The following MIB1 variants were observed in gnomAD, a reference collection of about 807,000 sequenced individuals.
MIB1 encodes the protein MIB E3 ubiquitin protein ligase 1, also known as E3 ubiquitin-protein ligase MIB1.
A neutral mutation model predicts 124.5 loss-of-function variants in MIB1; 278 were observed. The observed-to-expected ratio is 2.23, with a 90% CI of 2.02 to 2.47. The LOEUF is 2.47. MIB1 is among the 30% of genes most tolerant of loss of function. MIB1 has a pLI of 0.00. For synonymous variants in MIB1, 446 were observed against 429.4 expected, an observed-to-expected ratio of 1.04 and a Z score of -0.48; for missense variants, 957 against 1,254.4, an observed-to-expected ratio of 0.76 and a Z score of 3.58.
At chr18:21,786,774 A>T (rs977165700) in intron 6 of MIB1, among the ~76,000 whole-genome samples, 1 of 151,980 alleles carries the variant, frequency 6.6e-6, no homozygotes, top group Non-Finnish European at 1.5e-5. Flanking sequence ...CAGTTCTAGG[A>T]TTTTTGTTTG....
At chr18:21,855,279 C>T (rs2042216541) in intron 18 of MIB1, among the ~76,000 whole-genome samples, 1 of 152,150 alleles carries the variant, frequency 6.6e-6, no homozygotes, top group Non-Finnish European at 1.5e-5. Context: ...TCCAGTACCC[C>T]CATCGCAGTC....
In MIB1 at chr18:21,869,118, G is replaced by A. The variant is rs1460223763; in HGVS notation, c.*4452G>A. On this transcript the variant is annotated 3_prime_UTR_variant, in exon 21 of 21. Transcript: ENST00000261537. Reference sequence around the variant, plus strand: ...GCAGTAGGTACAGGAGAAGTGACTTGTCACATTAATTTGGTGCCTAAATCT... The same window carrying A: ...GCAGTAGGTACAGGAGAAGTGACTTATCACATTAATTTGGTGCCTAAATCT... 3.3e-5 allele frequency: 5 copies of A among 152,424 alleles called. No individual in the cohort carries two copies. Among genetic ancestry groups the A allele is most frequent in the Admixed American group, 3.3e-4 (5 of 15,260 alleles). The allele number at this position is 152,424 out of a possible 1,614,324, so 9.4% of individuals were successfully genotyped here.
At chr18:21,783,915 A>T (rs1289952140) in intron 6 of MIB1, among the ~76,000 whole-genome samples, 1 of 151,354 alleles carries the variant, frequency 6.6e-6, no homozygotes, top group South Asian at 2.1e-4. Flanking sequence ...GTCATTAAAA[A>T]TTTTTTTTGT....
Position 21,755,984 on chromosome 18 carries a change from CTAGTGA to C in MIB1, c.230-9785_230-9780del, listed in dbSNP as rs2041027012. Among the ~76,000 whole-genome samples the C allele has an allele frequency of 5.3e-5, 8 of 152,176 alleles. No homozygotes were observed. In the South Asian group the frequency reaches 1.7e-3, roughly 32 times the overall value. ...TTTAATTTGTGGCAGTTTTGCAGGG[CTAGTGA>C]TAATAAATCCCGAGAGCTTTGAATT... On this transcript the variant is annotated intron_variant, in intron 1 of 20. Coordinates refer to ENST00000261537, the MANE Select transcript of MIB1 (RefSeq NM_020774.4).
chr18:21,753,662 T>G (rs1339983596), intron 1 of MIB1, among the ~76,000 whole-genome samples: 1 of 151,234 alleles, frequency 6.6e-6, no homozygotes. Context: ...ATAAAAGGAG[T>G]GCATTTCTTT....
intron 1 of MIB1, among the ~76,000 whole-genome samples, chr18:21,733,240 A>G (rs373633509): frequency 1.3e-5 from 2 of 152,038 alleles, no homozygotes; most frequent in East Asian, 3.9e-4. Context: ...TTCAGTAGAG[A>G]GTTTGCTTGA....
At chr18:21,815,039 ATATATATATATATATATAAAAT>A (rs1357530973) in intron 10 of MIB1, among the ~76,000 whole-genome samples, 5 of 129,814 alleles carry the variant, frequency 3.9e-5, no homozygotes, top group African/African-American at 1.2e-4. Context: ...ATATATATAT[ATATATATATATATATATAAAAT>A]TATATATAAA....
chr18:21,764,218 G>A (rs1216779308), intron 1 of MIB1, among the ~76,000 whole-genome samples: 1 of 151,994 alleles, frequency 6.6e-6, no homozygotes, highest in Non-Finnish European at 1.5e-5. Context: ...AGTTCTTTCA[G>A]GTGTTCGTTC....
intron 20 of MIB1, among the ~76,000 whole-genome samples, chr18:21,860,432 T>A (rs888910078): frequency 6.6e-6 from 1 of 152,214 alleles, no homozygotes; most frequent in South Asian, 2.1e-4. Flanking sequence ...TCAACAAATA[T>A]GCTCTTTTAT....
intron 10 of MIB1, among the ~76,000 whole-genome samples, chr18:21,808,963 A>G (rs1282673390): frequency 1.3e-5 from 2 of 152,156 alleles, no homozygotes; most frequent in African/African-American, 2.4e-5. Context: ...AACTGCTTCA[A>G]ATGGAGAAGA....
chr18:21,746,582 C>T (rs1204297508), intron 1 of MIB1, among the ~76,000 whole-genome samples: 1 of 152,106 alleles, frequency 6.6e-6, no homozygotes, highest in Non-Finnish European at 1.5e-5. Context: ...ATCATCTAGG[C>T]ACTGATTTTA....
chr18:21,743,270 A>G (rs1473511497), intron 1 of MIB1, among the ~76,000 whole-genome samples: 1 of 152,192 alleles, frequency 6.6e-6, no homozygotes, highest in African/African-American at 2.4e-5. Context: ...TGCAAATGAT[A>G]ATAAACTATA....
chr18:21,751,689 CTTTCTTCCCT>C (rs148866136), intron 1 of MIB1, among the ~76,000 whole-genome samples: 9,409 of 152,086 alleles, frequency 0.062, 312 homozygotes, highest in Middle Eastern at 0.13. Context: ...CCCTTCCTTT[CTTTCTTCCCT>C]TTTCTTCCCT....
At chr18:21,752,596 A>G (rs765435299) in intron 1 of MIB1, among the ~76,000 whole-genome samples, 1 of 152,234 alleles carries the variant, frequency 6.6e-6, no homozygotes. Flanking sequence ...TTTCACTTCA[A>G]TTAGATTGAC....
intron 1 of MIB1, among the ~76,000 whole-genome samples, chr18:21,745,482 G>A (rs573940494): frequency 1.6e-4 from 24 of 152,124 alleles, no homozygotes; most frequent in African/African-American, 5.5e-4. Context: ...GAGACTCATT[G>A]GTTTAGGGAT....
intron 6 of MIB1, among the ~76,000 whole-genome samples, chr18:21,780,433 A>G (rs937291118): frequency 1.3e-5 from 2 of 151,982 alleles, no homozygotes; most frequent in African/African-American, 4.8e-5. Context: ...TCAACTTTCT[A>G]TCTCCATGAG....
chr18:21,821,492 G>A (rs181239468), intron 12 of MIB1, among the ~76,000 whole-genome samples: 2 of 151,798 alleles, frequency 1.3e-5, no homozygotes, highest in African/African-American at 2.4e-5. Context: ...GCCCCATCCC[G>A]CTTCTTTATC....
At chr18:21,743,775 T>G (rs1304251561) in intron 1 of MIB1, among the ~76,000 whole-genome samples, 1 of 152,258 alleles carries the variant, frequency 6.6e-6, no homozygotes, top group Non-Finnish European at 1.5e-5. Context: ...TGAGGAAATT[T>G]AAGTATCTAG....
chr18:21,857,303 C>G (rs371539022), intron 19 of MIB1, 60 bp downstream of exon 19: 57 of 1,016,188 alleles, frequency 5.6e-5, no homozygotes, highest in East Asian at 5.0e-4. Flanking sequence ...TGCATAAACA[C>G]CTCTTCTCTT....
Sources: gnomAD v4.1 joint callset for allele counts (sites outside exome capture counted in the v4.1 genomes callset) on GRCh38, gnomAD v4.1.1 for gene constraint, MANE v1.5 for transcripts, NCBI Gene and HGNC (gene_info 2026-07-23, HGNC 2026-07-21) for gene names.